CREBBP: variants seen among roughly 807,000 people sequenced by gnomAD.
CREBBP encodes CREB binding lysine acetyltransferase.
A neutral mutation model predicts 265.0 loss-of-function variants in CREBBP; 19 were observed. The ratio of observed to expected loss-of-function variants is 0.07; its 90% CI spans 0.05 to 0.11. CREBBP has a LOEUF of 0.11. CREBBP is among the 10% of genes least tolerant of loss of function. The probability of loss-of-function intolerance (pLI) is 1.00; values close to 1 mark genes in which losing one functional copy is unlikely to be tolerated. For synonymous variants in CREBBP, 1,457 were observed against 1,223.7 expected (o/e 1.19, Z -3.98); for missense variants, 2,525 against 3,219.0 (o/e 0.78, Z 5.22).
Position 3,727,671 on chromosome 16 carries a change from C to G in CREBBP, c.*47G>C. 1 of 1,613,368 alleles carries G rather than the reference C, an allele frequency of 6.2e-7. No homozygotes were observed. The highest frequency in any genetic ancestry group is 8.5e-7 in the Non-Finnish European group (1 of 1,179,998). On this transcript the variant is annotated 3_prime_UTR_variant, in exon 31 of 31. Coordinates refer to ENST00000262367, the MANE Select transcript of CREBBP (RefSeq NM_004380.3). ...AACCTAGATGCCTGGATTTTCAGTACAAAAGGTCCAAGAACATGAAAGGGA... is the reference window on the plus strand; with the variant it reads ...AACCTAGATGCCTGGATTTTCAGTAGAAAAGGTCCAAGAACATGAAAGGGA...
At chr16:3,862,837 C>T (rs2055104866) in intron 1 of CREBBP, among the ~76,000 whole-genome samples, 1 of 152,198 alleles carries the variant, frequency 6.6e-6, no homozygotes, top group African/African-American at 2.4e-5. Context: ...ACTGTCTTTT[C>T]TCAGTGTCCT....
intron 20 of CREBBP, among the ~76,000 whole-genome samples, chr16:3,750,864 G>C (rs2151371554): frequency 6.6e-6 from 1 of 152,276 alleles, no homozygotes; most frequent in East Asian, 1.9e-4. Flanking sequence ...AATGTAAAGG[G>C]CAGGGCATGT....
chr16:3,725,432 G>A lies in CREBBP; in HGVS notation c.*2286C>T, dbSNP rs558800860. 2.1e-5 allele frequency: 5 copies of A among 233,162 alleles called. No individual in the cohort carries two copies. Among genetic ancestry groups the A allele is most frequent in the Non-Finnish European group, 4.2e-5 (5 of 118,018 alleles). 14.4% of individuals were successfully genotyped at this position (233,162 alleles called of 1,614,324 possible). Reference sequence around the variant, plus strand: ...GCCACTTTCTGAGTGTGGGCTTAGAGCTGCTGCTCTCGGGCTCTAGCCCCA... The same window carrying A: ...GCCACTTTCTGAGTGTGGGCTTAGAACTGCTGCTCTCGGGCTCTAGCCCCA... On this transcript the variant is annotated 3_prime_UTR_variant, in exon 31 of 31. Coordinates refer to ENST00000262367, the MANE Select transcript of CREBBP (RefSeq NM_004380.3).
intron 8 of CREBBP, among the ~76,000 whole-genome samples, chr16:3,779,092 G>A (rs865782930): frequency 2.6e-5 from 4 of 151,798 alleles, no homozygotes; most frequent in East Asian, 1.9e-4. Flanking sequence ...GCTTGAACCC[G>A]GGAGGCAGAG....
chr16:3,763,646 T>C (rs1019375987), intron 16 of CREBBP, among the ~76,000 whole-genome samples: 3 of 150,758 alleles, frequency 2.0e-5, no homozygotes, highest in East Asian at 2.0e-4. Flanking sequence ...GTATTTTTAG[T>C]AGAGACGGGG....
At chr16:3,871,875 T>C (rs2055307075) in intron 1 of CREBBP, among the ~76,000 whole-genome samples, 1 of 152,194 alleles carries the variant, frequency 6.6e-6, no homozygotes, top group Non-Finnish European at 1.5e-5. Context: ...TACAATATAG[T>C]ACAGGCATAT....
rs750967654 is a variant in CREBBP, at chr16:3,770,882, T to C, written c.2568A>G (p.Thr856=). 2 of 1,613,426 alleles carry C rather than the reference T, an allele frequency of 1.2e-6. No individual in the cohort carries two copies. The highest frequency in any genetic ancestry group is 1.7e-6 in the Non-Finnish European group (2 of 1,179,928). ...CAGCAGCCGTGGAAGCAGGAGGCGG[T>C]GTTGGGTGCAGTGGTGACTGTGTCA... ...PPVTQSPLHP[T]PPPASTAAGM... The change falls in exon 14 of 31, where the codon ACA becomes ACG. Residue 856 remains threonine, a synonymous_variant. Transcript: ENST00000262367.
At chr16:3,785,592 C>A (rs142762907) in intron 5 of CREBBP, among the ~76,000 whole-genome samples, 1 of 152,350 alleles carries the variant, frequency 6.6e-6, no homozygotes, top group East Asian at 1.9e-4. Flanking sequence ...TATAGCGCAG[C>A]GGCCAGCACA....
intron 5 of CREBBP, among the ~76,000 whole-genome samples, chr16:3,786,590 G>A (rs151168300): frequency 2.0e-5 from 3 of 152,306 alleles, no homozygotes; most frequent in Non-Finnish European, 2.9e-5. Context: ...TACAGCTGAT[G>A]CTTCACCAGC....
intron 1 of CREBBP, among the ~76,000 whole-genome samples, chr16:3,879,494 G>A (rs947990924): frequency 6.6e-6 from 1 of 152,246 alleles, no homozygotes; most frequent in Admixed American, 6.5e-5. Context: ...GGCCACGCGT[G>A]TGGACACGGC....
intron 16 of CREBBP, among the ~76,000 whole-genome samples, chr16:3,762,116 A>G (rs1001184934): frequency 3.3e-5 from 5 of 152,176 alleles, no homozygotes; most frequent in Non-Finnish European, 7.4e-5. Context: ...ATTCGTTTAT[A>G]TAGGATCTGT....
In CREBBP at chr16:3,770,847, G is replaced by C. The variant is rs2052987373; in HGVS notation, c.2603C>G (p.Ser868Cys). ...PPASTAAGMP[S>C]LQHTTPPGMT... ...CCCAGGTGGTGTCGTGTGCTGGAGA[G>C]ATGGCATGCCAGCAGCCGTGGAAGC... The change falls in exon 14 of 31, where the codon TCT (serine) becomes TGT (cysteine). Residue 868 changes from serine to cysteine, a missense_variant. Ser to Cys is a moderately radical substitution (Grantham distance 112). This residue lies in a region of CREBBP where 548 missense variants were observed against 533.0 expected (regional missense o/e 1.03). Transcript: ENST00000262367. 1 of 1,613,992 alleles carries C rather than the reference G, an allele frequency of 6.2e-7. No individual in the cohort carries two copies. Among genetic ancestry groups the C allele is most frequent in the African/African-American group, 1.3e-5 (1 of 74,986 alleles).
chr16:3,783,305 A>G (rs130023), intron 5 of CREBBP, among the ~76,000 whole-genome samples: 3,897 of 152,328 alleles, frequency 0.026, 78 homozygotes, highest in Admixed American at 0.041. Flanking sequence ...ACCAGCAGAC[A>G]CCTCTGAGAT....
chr16:3,752,389 G>A (rs1337843412), intron 19 of CREBBP, among the ~76,000 whole-genome samples: 1 of 151,374 alleles, frequency 6.6e-6, no homozygotes, highest in Non-Finnish European at 1.5e-5. Context: ...TTTATTTCCG[G>A]TATTAAGCCA....
In CREBBP at chr16:3,738,627, T is replaced by C; in HGVS notation, c.4326A>G (p.Pro1442=). Residue 1442 remains proline, a synonymous_variant, in exon 26 of 31, where the codon CCA becomes CCG. Transcript: ENST00000262367. The stretch of plus-strand genomic sequence containing the variant: ...GGTAAACGGCTGTGCGGAGGCAACG[T>C]GGCCGGAAGAAATGAATACTATCCA... ...SYLDSIHFFR[P]RCLRTAVYHE... is the part of the protein sequence containing the mutation. The C allele has an allele frequency of 6.2e-7, 1 of 1,614,036 alleles. No homozygotes were observed. The highest frequency in any genetic ancestry group is 8.5e-7 in the Non-Finnish European group (1 of 1,179,884).
chr16:3,860,045 G>A (rs1213677849), intron 1 of CREBBP, among the ~76,000 whole-genome samples: 2 of 152,098 alleles, frequency 1.3e-5, no homozygotes, highest in Admixed American at 1.3e-4. Context: ...TGAGGACTGA[G>A]CCCTCAACCG....
intron 2 of CREBBP, among the ~76,000 whole-genome samples, chr16:3,839,051 C>T (rs900573265): frequency 5.9e-5 from 9 of 152,132 alleles, no homozygotes; most frequent in Admixed American, 1.3e-4. Flanking sequence ...AATTGGCATG[C>T]GATTCTGTAA....
intron 2 of CREBBP, among the ~76,000 whole-genome samples, chr16:3,810,980 C>T (rs1017406012): frequency 6.6e-6 from 1 of 151,996 alleles, no homozygotes; most frequent in Non-Finnish European, 1.5e-5. Flanking sequence ...AAACCCCATC[C>T]CGCAAGTAGA....
At chr16:3,826,753 A>T (rs1289749849) in intron 2 of CREBBP, among the ~76,000 whole-genome samples, 1 of 152,230 alleles carries the variant, frequency 6.6e-6, no homozygotes, top group African/African-American at 2.4e-5. Context: ...AGACAGGACG[A>T]TTAAAAGTAA....
Sources: gnomAD v4.1 joint callset for allele counts (sites outside exome capture counted in the v4.1 genomes callset) on GRCh38, gnomAD v4.1.1 for gene constraint, gnomAD v4.1.1 regional missense constraint, MANE v1.5 for transcripts, NCBI Gene and HGNC (gene_info 2026-07-23, HGNC 2026-07-21) for gene names.